Variants in KYNU observed in about 807,000 individuals in gnomAD.
KYNU encodes L-kynurenine hydrolase.
A neutral mutation model predicts 59.2 loss-of-function variants in KYNU; 54 were observed. That is an observed-to-expected ratio of 0.91 (90% CI 0.73 to 1.14). KYNU has a LOEUF of 1.14. Ranked by LOEUF, KYNU falls within the 50% of genes most tolerant of loss-of-function variation. The pLI, the probability that KYNU is intolerant of heterozygous loss-of-function variation, is 0.00. For missense variants in KYNU, 567 were observed against 554.4 expected (o/e 1.02, Z -0.23); for synonymous variants, 177 against 192.0 (o/e 0.92, Z 0.65).
At chr2:142,883,586 A>T (rs1681385209) in intron 1 of KYNU, among the ~76,000 whole-genome samples, 1 of 151,690 alleles carries the variant, frequency 6.6e-6, no homozygotes, top group Non-Finnish European at 1.5e-5. Context: ...TCCCTAGTGC[A>T]TTTAGTTGAA....
intron 2 of KYNU, among the ~76,000 whole-genome samples, chr2:142,903,645 C>CG (rs1348569199): frequency 6.6e-6 from 1 of 152,068 alleles, no homozygotes; most frequent in Non-Finnish European, 1.5e-5. Context: ...TAAGCATACC[C>CG]GGGGCTCTGT....
chr2:142,975,151 AC>A (rs1440920032), intron 8 of KYNU, among the ~76,000 whole-genome samples: 1 of 152,114 alleles, frequency 6.6e-6, no homozygotes, highest in African/African-American at 2.4e-5. Context: ...ACCCTGGCTC[AC>A]CATGACTGCT....
At chr2:143,006,531 GCT>G (rs1341372021) in intron 10 of KYNU, among the ~76,000 whole-genome samples, 7 of 40,532 alleles carry the variant, frequency 1.7e-4, no homozygotes, top group African/African-American at 6.0e-4. Context: ...CAGCCAGGAA[GCT>G]CAAACTGGGT....
At chr2:143,034,780 A>C (rs529047943) in intron 12 of KYNU, among the ~76,000 whole-genome samples, 4 of 152,354 alleles carry the variant, frequency 2.6e-5, no homozygotes, top group African/African-American at 9.6e-5. Flanking sequence ...AACAAAATAA[A>C]GTTTCTGCAT....
chr2:142,971,440 CCTTGA>C (rs1333262325), intron 8 of KYNU: 1 of 152,084 alleles, frequency 6.6e-6, no homozygotes, highest in Non-Finnish European at 1.5e-5. Context: ...CAAATGAAAT[CCTTGA>C]CTTTTATTGG....
intron 2 of KYNU, among the ~76,000 whole-genome samples, chr2:142,911,228 A>G (rs1274211809): frequency 6.6e-6 from 1 of 151,916 alleles, no homozygotes; most frequent in Middle Eastern, 3.2e-3. Flanking sequence ...GTCATCTATA[A>G]TTTTTCTTTG....
chr2:142,954,458 C>T (rs1684096776), intron 4 of KYNU, among the ~76,000 whole-genome samples: 1 of 151,924 alleles, frequency 6.6e-6, no homozygotes, highest in Admixed American at 6.5e-5. Flanking sequence ...TTTTAGATTC[C>T]TTTGAAGATA....
chr2:142,956,360 T>G, intron 6 of KYNU, 86 bp downstream of exon 6: 1 of 811,914 alleles, frequency 1.2e-6, no homozygotes. Flanking sequence ...GTTTACTCAC[T>G]AGGCTTTTCC....
At chr2:142,890,015 A>T (rs1681659524) in intron 2 of KYNU, among the ~76,000 whole-genome samples, 2 of 151,918 alleles carry the variant, frequency 1.3e-5, no homozygotes, top group African/African-American at 4.8e-5. Flanking sequence ...CTATTCTTAG[A>T]TGGTGCCTGA....
In KYNU at chr2:143,053,171, A is replaced by G. The variant is rs1048917118; in HGVS notation, c.*10999A>G. The G allele has an allele frequency of 6.6e-6, 1 of 152,254 alleles. No homozygotes were observed. Among genetic ancestry groups the G allele is most frequent in the African/African-American group, 2.4e-5 (1 of 41,462 alleles). 9.4% of individuals were successfully genotyped at this position (152,254 alleles called of 1,614,324 possible). A position where few individuals can be genotyped will look rare whatever the true frequency, so the allele number is the denominator to read the frequency against. ...CATTTGGAGTGGCTGTATTTACCCA[A>G]TGCCTGTATCCCCATTGTATCTAGG... On this transcript the variant is annotated 3_prime_UTR_variant, in exon 14 of 14. Transcript: ENST00000264170.
chr2:143,053,475 A>C lies in KYNU; in HGVS notation c.*11303A>C, dbSNP rs1372533626. On this transcript the variant is annotated 3_prime_UTR_variant, in exon 14 of 14. Coordinates refer to ENST00000264170, the MANE Select transcript of KYNU (RefSeq NM_003937.3). ...ACATTTAAGAGGGGCCAGGGGCAGAATGATATGGTTTGACTTTGTCCGCAG... is the reference window on the plus strand; with the variant it reads ...ACATTTAAGAGGGGCCAGGGGCAGACTGATATGGTTTGACTTTGTCCGCAG... The C allele has an allele frequency of 6.6e-6, 1 of 152,228 alleles. No individual in the cohort carries two copies. Among genetic ancestry groups the C allele is most frequent in the East Asian group, 1.9e-4 (1 of 5,196 alleles). The allele number at this position is 152,228 out of a possible 1,614,324, so 9.4% of individuals were successfully genotyped here.
chr2:142,969,371 G>T (rs1352544791), intron 8 of KYNU, among the ~76,000 whole-genome samples: 2 of 152,156 alleles, frequency 1.3e-5, no homozygotes, highest in Non-Finnish European at 2.9e-5. Context: ...TAGATGCAAT[G>T]TTCCATTAGC....
chr2:142,946,422 A>G (rs1486259319), intron 4 of KYNU, among the ~76,000 whole-genome samples: 1 of 152,202 alleles, frequency 6.6e-6, no homozygotes, highest in Admixed American at 6.5e-5. Context: ...TTACTCCATG[A>G]TCCATGGACT....
Position 143,043,486 on chromosome 2 carries a change from T to A in KYNU, c.*1314T>A, listed in dbSNP as rs1687111814. The A allele has an allele frequency of 6.6e-6, 1 of 152,016 alleles. No individual in the cohort carries two copies. Among genetic ancestry groups the A allele is most frequent in the East Asian group, 1.9e-4 (1 of 5,178 alleles). 9.4% of individuals were successfully genotyped at this position (152,016 alleles called of 1,614,324 possible). The stretch of plus-strand genomic sequence containing the variant: ...AAACTTAGATAAACACTTCGGATGG[T>A]AGACGTAAACAATAATATGTGGAAC... On this transcript the variant is annotated 3_prime_UTR_variant, in exon 14 of 14. Coordinates refer to ENST00000264170, the MANE Select transcript of KYNU (RefSeq NM_003937.3).
chr2:142,949,083 T>A (rs1287657663), intron 4 of KYNU, among the ~76,000 whole-genome samples: 1 of 152,186 alleles, frequency 6.6e-6, no homozygotes, highest in African/African-American at 2.4e-5. Flanking sequence ...AGCTCTGAAA[T>A]GATCTTTGAT....
chr2:142,932,581 C>T (rs1683258759), intron 4 of KYNU, among the ~76,000 whole-genome samples: 1 of 151,946 alleles, frequency 6.6e-6, no homozygotes, highest in East Asian at 1.9e-4. Flanking sequence ...GCTAGGAAAC[C>T]CCGTTTTTTC....
chr2:142,951,177 G>A (rs1206450571), intron 4 of KYNU, among the ~76,000 whole-genome samples: 1 of 152,204 alleles, frequency 6.6e-6, no homozygotes, highest in Non-Finnish European at 1.5e-5. Flanking sequence ...CATGAGGTGA[G>A]CACATTCTTT....
At chr2:142,891,160 TA>T (rs1232282115) in intron 2 of KYNU, among the ~76,000 whole-genome samples, 1 of 152,228 alleles carries the variant, frequency 6.6e-6, no homozygotes, top group African/African-American at 2.4e-5. Flanking sequence ...AATTGAAGTA[TA>T]ATTTATGGAC....
rs574350158 is a variant in KYNU, at chr2:142,918,889, A to C, written c.290+160A>C. 5.3e-5 allele frequency among the ~76,000 whole-genome samples: 8 copies of C among 152,366 alleles called. No individual in the cohort carries two copies. The East Asian group carries it at 1.5e-3, about 29-fold the overall frequency. On this transcript the variant is annotated intron_variant, in intron 3 of 13. Transcript: ENST00000264170. ...GTTCCAGGGCCTCCCTATCATTCCA[A>C]AATCCACAATGGTCAAGTCCCTTAT...
Sources: gnomAD v4.1 joint callset for allele counts (sites outside exome capture counted in the v4.1 genomes callset) on GRCh38, gnomAD v4.1.1 for gene constraint, MANE v1.5 for transcripts, NCBI Gene and HGNC (gene_info 2026-07-23, HGNC 2026-07-21) for gene names.